The following ST8SIA6 variants were observed in gnomAD, a reference collection of about 807,000 sequenced individuals.
ST8SIA6 encodes ST8 alpha-N-acetyl-neuraminide alpha-2,8-sialyltransferase 6.
Under a neutral mutation model 33.6 loss-of-function variants are expected in ST8SIA6, and 39 were observed. That is an observed-to-expected ratio of 1.16 (90% CI 0.90 to 1.52). The LOEUF is 1.52. Ranked by LOEUF, ST8SIA6 falls within the 40% of genes most tolerant of loss-of-function variation. The probability of loss-of-function intolerance (pLI) is 0.00; values close to 1 mark genes in which losing one functional copy is unlikely to be tolerated. For missense variants in ST8SIA6, 441 were observed against 443.8 expected, an observed-to-expected ratio of 0.99 and a Z score of 0.06; for synonymous variants, 172 against 167.2, an observed-to-expected ratio of 1.03 and a Z score of -0.22.
At chr10:17,398,282 G>T (rs1850896362) in intron 2 of ST8SIA6, among the ~76,000 whole-genome samples, 1 of 151,638 alleles carries the variant, frequency 6.6e-6, no homozygotes, top group African/African-American at 2.4e-5. Context: ...AGCCGAGATT[G>T]CACCATTGCA....
chr10:17,348,580 G>T (rs1397873299), intron 4 of ST8SIA6, among the ~76,000 whole-genome samples: 1 of 152,156 alleles, frequency 6.6e-6, no homozygotes, highest in Non-Finnish European at 1.5e-5. Flanking sequence ...TTCTGCTCAT[G>T]GCCATTTAGT....
chr10:17,354,671 A>G (rs985014237), intron 4 of ST8SIA6, among the ~76,000 whole-genome samples: 16 of 152,276 alleles, frequency 1.1e-4, no homozygotes, highest in African/African-American at 3.6e-4. Flanking sequence ...ACTCACACCT[A>G]TGCTTGGGAT....
At chr10:17,425,646 G>C (rs12249444) in intron 2 of ST8SIA6, among the ~76,000 whole-genome samples, 3 of 90,548 alleles carry the variant, frequency 3.3e-5, no homozygotes, top group African/African-American at 1.4e-4. Flanking sequence ...AGGAAGAAAG[G>C]AGGGAGGGAG....
intron 4 of ST8SIA6, among the ~76,000 whole-genome samples, chr10:17,350,547 G>T (rs1848995453): frequency 1.3e-5 from 2 of 151,856 alleles, no homozygotes; most frequent in South Asian, 4.1e-4. Flanking sequence ...AAACAAAAAT[G>T]ATCTAAGAAA....
chr10:17,360,938 G>GGAA (rs138842680), intron 3 of ST8SIA6, among the ~76,000 whole-genome samples: 28,558 of 148,498 alleles, frequency 0.19, 2,789 homozygotes, highest in South Asian at 0.21. Context: ...AAGAGGAAAA[G>GGAA]GAAGAAGAAG....
chr10:17,341,897 T>A (rs1471623755), intron 4 of ST8SIA6, among the ~76,000 whole-genome samples: 1 of 28,242 alleles, frequency 3.5e-5, no homozygotes, highest in East Asian at 7.5e-4. Flanking sequence ...CAAGGCTCCA[T>A]CTCAAAAAAA....
chr10:17,404,922 A>G (rs1195653583), intron 2 of ST8SIA6, among the ~76,000 whole-genome samples: 1 of 152,214 alleles, frequency 6.6e-6, no homozygotes, highest in Non-Finnish European at 1.5e-5. Flanking sequence ...AACTGATAAC[A>G]GTACAAAATA....
intron 3 of ST8SIA6, among the ~76,000 whole-genome samples, chr10:17,381,842 T>G (rs184605244): frequency 1.6e-4 from 24 of 152,356 alleles, no homozygotes; most frequent in African/African-American, 5.8e-4. Flanking sequence ...TCTAATCCTG[T>G]GGCTTTAGGC....
intron 3 of ST8SIA6, among the ~76,000 whole-genome samples, chr10:17,382,581 A>G (rs1416794043): frequency 6.6e-6 from 1 of 152,188 alleles, no homozygotes; most frequent in Non-Finnish European, 1.5e-5. Flanking sequence ...ATATGCTTTT[A>G]AAGTCCTTGT....
chr10:17,442,809 CAACT>C (rs2131739257), intron 2 of ST8SIA6, among the ~76,000 whole-genome samples: 1 of 152,254 alleles, frequency 6.6e-6, no homozygotes, highest in African/African-American at 2.4e-5. Context: ...CATAAGCACA[CAACT>C]ATAAACTCAG....
chr10:17,323,797 A>G (rs1255968240), intron 6 of ST8SIA6, among the ~76,000 whole-genome samples: 1 of 152,222 alleles, frequency 6.6e-6, no homozygotes, highest in Non-Finnish European at 1.5e-5. Flanking sequence ...CAATCCTTTT[A>G]TTAAAATTGT....
At chr10:17,417,569 G>T (rs1851643829) in intron 2 of ST8SIA6, among the ~76,000 whole-genome samples, 1 of 151,918 alleles carries the variant, frequency 6.6e-6, no homozygotes, top group Admixed American at 6.6e-5. Context: ...TGAGCTCCAG[G>T]AGGGCAGGCT....
At chr10:17,353,010 C>CT (rs1849083975) in intron 4 of ST8SIA6, among the ~76,000 whole-genome samples, 1 of 152,028 alleles carries the variant, frequency 6.6e-6, no homozygotes, top group Admixed American at 6.6e-5. Context: ...AATGTAGTCA[C>CT]CCTGTATGAA....
chr10:17,375,539 A>T (rs1849885620), intron 3 of ST8SIA6, among the ~76,000 whole-genome samples: 1 of 152,254 alleles, frequency 6.6e-6, no homozygotes, highest in Admixed American at 6.5e-5. Flanking sequence ...TGAGGAACAT[A>T]TCTTTCAGAA....
At chr10:17,440,207 AT>A (rs199531697) in intron 2 of ST8SIA6, among the ~76,000 whole-genome samples, 2,386 of 135,766 alleles carry the variant, frequency 0.018, 17 homozygotes, top group African/African-American at 0.039. Flanking sequence ...TCTCAAATGT[AT>A]TTTTTTTTTT....
At position 17,443,461 on chromosome 10, in the gene ST8SIA6, A is replaced by G. The variant is rs528727675; in HGVS notation, c.200+10098T>C. Among the ~76,000 whole-genome samples the G allele has an allele frequency of 8.0e-4, 122 of 152,346 alleles. 1 individual carries two copies. Among genetic ancestry groups the G allele is most frequent in the Non-Finnish European group, 3.7e-4 (25 of 68,040 alleles). On this transcript the variant is annotated intron_variant, in intron 2 of 7. Transcript: ENST00000377602. The stretch of plus-strand genomic sequence containing the variant: ...ATGCTGCATTTAAAAATTATACGGT[A>G]GAGAATTTCGGTGTATTTTACAATA...
At chr10:17,450,033 C>G (rs373727559) in intron 2 of ST8SIA6, among the ~76,000 whole-genome samples, 8 of 152,114 alleles carry the variant, frequency 5.3e-5, no homozygotes, top group African/African-American at 1.4e-4. Context: ...TTTTCTGAAC[C>G]AATTTTGGTT....
chr10:17,415,759 A>T (rs569099039), intron 2 of ST8SIA6, among the ~76,000 whole-genome samples: 2 of 151,040 alleles, frequency 1.3e-5, no homozygotes, highest in South Asian at 2.1e-4. Flanking sequence ...TCTCAAGCTC[A>T]TCAAAAGCCC....
intron 2 of ST8SIA6, among the ~76,000 whole-genome samples, chr10:17,410,924 A>AC (rs1851426648): frequency 6.6e-6 from 1 of 152,184 alleles, no homozygotes; most frequent in Admixed American, 6.5e-5. Flanking sequence ...TGGCTAACCA[A>AC]ATTTACTGTG....
Sources: gnomAD v4.1 joint callset for allele counts (sites outside exome capture counted in the v4.1 genomes callset) on GRCh38, gnomAD v4.1.1 for gene constraint, MANE v1.5 for transcripts, NCBI Gene and HGNC (gene_info 2026-07-23, HGNC 2026-07-21) for gene names.